CFAP46: variants seen among roughly 807,000 people sequenced by gnomAD.
The protein encoded by CFAP46 is cilia- and flagella-associated protein 46.
Under a neutral mutation model 325.7 loss-of-function variants are expected in CFAP46, and 245 were observed. That is an observed-to-expected ratio of 0.75 (90% CI 0.68 to 0.84). The LOEUF is 0.84. Ranked by LOEUF, CFAP46 falls within the 40% of genes least tolerant of loss-of-function variation. CFAP46 has a pLI of 0.00. For missense variants in CFAP46, 3,346 were observed against 3,543.0 expected, an observed-to-expected ratio of 0.94 and a Z score of 1.41; for synonymous variants, 1,523 against 1,495.9, an observed-to-expected ratio of 1.02 and a Z score of -0.42.
At position 132,912,604 on chromosome 10, in the gene CFAP46, C is replaced by CCTCT. The variant is rs59827475; in HGVS notation, c.2499+47_2499+50dup. Reference sequence around the variant, plus strand: ...CCTCTCCTCTCTCTCTCTCCTCTCTCCTCTCTCTCTCTCTCTCTCTCTCTC... The same window carrying CCTCT: ...CCTCTCCTCTCTCTCTCTCCTCTCTCCTCTCTCTCTCTCTCTCTCTCTCTCTCTC... On this transcript the variant is annotated intron_variant, in intron 19 of 57. Transcript: ENST00000368586. The CCTCT allele has an allele frequency of 1.1e-3, 1,405 of 1,324,460 alleles. 4 individuals are homozygous for CCTCT. The highest frequency in any genetic ancestry group is 2.6e-3 in the East Asian group (94 of 35,858). The allele number at this position is 1,324,460 out of a possible 1,614,324, so 82.0% of individuals were successfully genotyped here. A position where few individuals can be genotyped will look rare whatever the true frequency, so the allele number is the denominator to read the frequency against.
intron 24 of CFAP46, among the ~76,000 whole-genome samples, chr10:132,897,499 C>T (rs891618887): frequency 6.6e-6 from 1 of 152,248 alleles, no homozygotes; most frequent in South Asian, 2.1e-4. Flanking sequence ...ATATCTAGGT[C>T]AGCCAGGACT....
intron 7 of CFAP46, among the ~76,000 whole-genome samples, chr10:132,936,000 A>C (rs1591101465): frequency 8.7e-5 from 3 of 34,506 alleles, no homozygotes; most frequent in Non-Finnish European, 1.6e-4. Flanking sequence ...TGATCTCCTC[A>C]CTCCCCTCGG....
chr10:132,893,895 C>A (rs1316768850), intron 24 of CFAP46, among the ~76,000 whole-genome samples: 1 of 151,570 alleles, frequency 6.6e-6, no homozygotes, highest in African/African-American at 2.4e-5. Context: ...CCGCAGGTAA[C>A]ACGCTTTGAG....
At chr10:132,821,221 GTGTGTGTGCTGA>G (rs1469446004) in intron 50 of CFAP46, among the ~76,000 whole-genome samples, 2 of 134,440 alleles carry the variant, frequency 1.5e-5, no homozygotes, top group Admixed American at 7.4e-5. Context: ...GCTGTGTGCT[GTGTGTGTGCTGA>G]TGTGTGCTGT....
chr10:132,908,642 T>G lies in CFAP46; in HGVS notation c.2758-8A>C. The G allele has an allele frequency of 6.5e-7, 1 of 1,528,250 alleles. No individual in the cohort carries two copies. 94.7% of individuals were successfully genotyped at this position (1,528,250 alleles called of 1,614,324 possible). On this transcript the variant is annotated splice_region_variant and splice_polypyrimidine_tract_variant and intron_variant, in intron 21 of 57. Coordinates refer to ENST00000368586, the MANE Select transcript of CFAP46 (RefSeq NM_001200049.3). ...GGAAGCCATTTTCACCAACTTCCGG[T>G]GGGTGGCAAGAGAAGGGGCACCGTG...
chr10:132,941,839 G>A, intron 2 of CFAP46, 117 bp from the exon 3 acceptor site: 6 of 1,534,976 alleles, frequency 3.9e-6, no homozygotes, highest in Non-Finnish European at 5.3e-6. Flanking sequence ...CCTGTTTCCA[G>A]CCCCATCCTC....
chr10:132,864,420 AC>A (rs1848776280), intron 35 of CFAP46, among the ~76,000 whole-genome samples: 1 of 102,496 alleles, frequency 9.8e-6, no homozygotes, highest in Admixed American at 1.0e-4. Flanking sequence ...TGAGACATGC[AC>A]ACACCTGTCC....
At chr10:132,815,017 G>GGA in intron 50 of CFAP46, 103 bp from the exon 51 acceptor site, 1 of 916,172 alleles carries the variant, frequency 1.1e-6, no homozygotes, top group Non-Finnish European at 1.7e-6. Context: ...TCACTTAAAT[G>GGA]AAAAAAAAAA....
chr10:132,833,964 G>T, intron 49 of CFAP46, 77 bp downstream of exon 49: 2 of 1,374,238 alleles, frequency 1.5e-6, no homozygotes, highest in South Asian at 1.2e-5. Context: ...GTTCCCGGAT[G>T]GGTGGGTGGA....
chr10:132,885,877 G>T lies in CFAP46; in HGVS notation c.3387C>A (p.Gly1129=), dbSNP rs143247042. The change falls in exon 26 of 58, where the codon GGC becomes GGA. Residue 1129 remains glycine (G), a synonymous_variant. Transcript: ENST00000368586. The stretch of plus-strand genomic sequence containing the variant: ...CAGCCTCGTCCAGCACCTTGAGGCC[G>T]CCCTCCCAGTCGTCCTGGTCGGCAT... ...HSHADQDDWE[G]GLKVLDEAVQ... The T allele has an allele frequency of 3.2e-6, 5 of 1,550,084 alleles. No homozygotes were observed. Among genetic ancestry groups the T allele is most frequent in the African/African-American group, 2.7e-5 (2 of 73,018 alleles).
At chr10:132,867,626 T>C in intron 33 of CFAP46, 119 bp from the exon 34 acceptor site, 1 of 1,304,010 alleles carries the variant, frequency 7.7e-7, no homozygotes. Flanking sequence ...CGCGCGTGTT[T>C]ACAAAGATTT....
chr10:132,873,719 G>A (rs1001613286), intron 31 of CFAP46, among the ~76,000 whole-genome samples: 1 of 152,120 alleles, frequency 6.6e-6, no homozygotes, highest in Non-Finnish European at 1.5e-5. Context: ...GGGCCGTGCG[G>A]GTGGCCTGGA....
Position 132,831,146 on chromosome 10 carries a change from T to C in CFAP46, c.7117+2212A>G, listed in dbSNP as rs146315499. Among the ~76,000 whole-genome samples, 245 of 152,286 alleles carry C rather than the reference T, an allele frequency of 1.6e-3. 2 individuals are homozygous for C. The highest frequency in any genetic ancestry group is 5.6e-3 in the African/African-American group (231 of 41,556). ...TCCACTGTGGTCAGAGAACCTACTG[T>C]GGGTAATTTGGACCCTTTCATATTT... On this transcript the variant is annotated intron_variant, in intron 50 of 57. Coordinates refer to ENST00000368586, the MANE Select transcript of CFAP46 (RefSeq NM_001200049.3).
At chr10:132,848,387 G>A (rs1848476184) in intron 41 of CFAP46, among the ~76,000 whole-genome samples, 1 of 152,236 alleles carries the variant, frequency 6.6e-6, no homozygotes, top group Non-Finnish European at 1.5e-5. Context: ...CAGGCAGAGA[G>A]AGAGCTGCCA....
At position 132,836,809 on chromosome 10, in the gene CFAP46, G is replaced by A. The variant is rs73391230; in HGVS notation, c.6536+8C>T. 0.017 allele frequency: 27,226 copies of A among 1,611,844 alleles called. 1,745 individuals are homozygous for A. In the African/African-American group the frequency reaches 0.2, roughly 12 times the overall value. On this transcript the variant is annotated splice_region_variant and intron_variant, in intron 45 of 57. Coordinates refer to ENST00000368586, the MANE Select transcript of CFAP46 (RefSeq NM_001200049.3). ...GGGGGCGGCCTCAACAAGAAGGAGCGGCTTTACCTGTCCCCTGAGAGGTGC... is the reference window on the plus strand; with the variant it reads ...GGGGGCGGCCTCAACAAGAAGGAGCAGCTTTACCTGTCCCCTGAGAGGTGC...
At chr10:132,843,767 A>G (rs12775014) in intron 44 of CFAP46, among the ~76,000 whole-genome samples, 461 of 34,618 alleles carry the variant, frequency 0.013, no homozygotes, top group Middle Eastern at 0.031. Context: ...CTCTGGTCTC[A>G]GTGGGTGTTC....
chr10:132,942,369 C>G, intron 1 of CFAP46, 67 bp downstream of exon 1: 1 of 1,328,558 alleles, frequency 7.5e-7, no homozygotes, highest in South Asian at 1.9e-5. Flanking sequence ...GGGGCCTCCC[C>G]GGGGCGGGGG....
intron 51 of CFAP46, 39 bp from the exon 52 acceptor site, chr10:132,814,785 G>C: frequency 6.2e-7 from 1 of 1,613,646 alleles, no homozygotes; most frequent in Non-Finnish European, 8.5e-7. Flanking sequence ...GCAGGGGCCA[G>C]GAGCCTGACC....
rs1218885241 is a variant in CFAP46 at position 132,823,182 on chromosome 10, C to A, written c.7118-8268G>T. Reference sequence around the variant, plus strand: ...GTGAGTGATGTGTGCTGTCTGTGCGCTGTGTGCTGATGTGTGCTGTGTGTG... The same window carrying A: ...GTGAGTGATGTGTGCTGTCTGTGCGATGTGTGCTGATGTGTGCTGTGTGTG... On this transcript the variant is annotated intron_variant, in intron 50 of 57. Transcript: ENST00000368586. Among the ~76,000 whole-genome samples the A allele has an allele frequency of 3.6e-3, 413 of 115,182 alleles. 21 individuals are homozygous for A. The South Asian group carries it at 0.052, about 14-fold the overall frequency. The allele number at this position is 115,182 out of a possible 152,430, so 75.6% of individuals were successfully genotyped here. A position where few individuals can be genotyped will look rare whatever the true frequency, so the allele number is the denominator to read the frequency against.
Sources: allele counts gnomAD v4.1 joint callset (sites outside exome capture counted in the v4.1 genomes callset), GRCh38; gene constraint gnomAD v4.1.1; transcripts MANE v1.5; gene names NCBI Gene and HGNC (gene_info 2026-07-23, HGNC 2026-07-21).